GALNT13: variants seen among roughly 807,000 people sequenced by gnomAD.
GALNT13 encodes polypeptide N-acetylgalactosaminyltransferase 13.
A neutral mutation model predicts 64.2 loss-of-function variants in GALNT13; 28 were observed. The observed-to-expected ratio is 0.44, with a 90% CI of 0.32 to 0.60. The LOEUF (loss-of-function observed/expected upper bound fraction) is 0.60, where lower values mean the gene tolerates loss of function less well. Among genes scored for constraint, GALNT13 ranks in the 20% least tolerant of loss-of-function variants. The pLI, the probability that GALNT13 is intolerant of heterozygous loss-of-function variation, is 0.05. For missense variants in GALNT13, 577 were observed against 669.8 expected (o/e 0.86, Z 1.53); for synonymous variants, 214 against 224.6 (o/e 0.95, Z 0.42).
chr2:153,523,448 TAAA>T, the GALNT13 span, among the ~76,000 whole-genome samples: 2 of 152,202 alleles, frequency 1.3e-5, no homozygotes, highest in Non-Finnish European at 2.9e-5. Flanking sequence ...CTTTTGTTCA[TAAA>T]AACAAAACAT....
intron 3 of GALNT13, among the ~76,000 whole-genome samples, chr2:154,050,878 G>T (rs1456222252): frequency 6.6e-6 from 1 of 152,082 alleles, no homozygotes; most frequent in East Asian, 1.9e-4. Context: ...ATTGTTTAAA[G>T]GATTAAAAGA....
intron 3 of GALNT13, among the ~76,000 whole-genome samples, chr2:154,053,607 C>T (rs1487995774): frequency 3.3e-5 from 5 of 152,008 alleles, no homozygotes; most frequent in Non-Finnish European, 7.4e-5. Flanking sequence ...AACAATAGTG[C>T]CTTAAGCTCC....
At chr2:153,758,632 A>G in the GALNT13 span, among the ~76,000 whole-genome samples, 10 of 152,260 alleles carry the variant, frequency 6.6e-5, no homozygotes, top group East Asian at 9.6e-4. Flanking sequence ...TCACTTTGTC[A>G]CCCAGGCTGG....
chr2:153,708,007 C>T, the GALNT13 span, among the ~76,000 whole-genome samples: 5 of 152,034 alleles, frequency 3.3e-5, no homozygotes, highest in African/African-American at 2.4e-5. Flanking sequence ...TTCTTTGGAA[C>T]AATGAGGAGA....
intron 9 of GALNT13, among the ~76,000 whole-genome samples, chr2:154,333,380 T>C (rs1396376501): frequency 2.0e-5 from 3 of 152,096 alleles, no homozygotes; most frequent in East Asian, 1.9e-4. Flanking sequence ...TTATTGATTA[T>C]ACAAAGTGAT....
At chr2:153,574,036 T>A in the GALNT13 span, among the ~76,000 whole-genome samples, 1 of 152,040 alleles carries the variant, frequency 6.6e-6, no homozygotes, top group African/African-American at 2.4e-5. Flanking sequence ...CTGGTGTTGA[T>A]AAAATCTCTC....
chr2:153,580,462 A>T, the GALNT13 span, among the ~76,000 whole-genome samples: 20 of 152,292 alleles, frequency 1.3e-4, no homozygotes, highest in African/African-American at 4.8e-4. Flanking sequence ...GGACTTCAGA[A>T]TATCTACTTG....
chr2:153,842,924 A>G, the GALNT13 span, among the ~76,000 whole-genome samples: 1 of 152,192 alleles, frequency 6.6e-6, no homozygotes, highest in Non-Finnish European at 1.5e-5. Context: ...ACATTCTAGA[A>G]CTGGAGAAAA....
chr2:154,102,280 G>A lies in GALNT13; in HGVS notation c.143-38057G>A, dbSNP rs192249720. On this transcript the variant is annotated intron_variant, in intron 3 of 12. Transcript: ENST00000392825. ...CTAGTGCTCTCTTGAAAGCACCACC[G>A]CCTGGCTGGAGGTCAACCAACTCAA... Among the ~76,000 whole-genome samples, 376 of 152,100 alleles carry A rather than the reference G, an allele frequency of 2.5e-3. 4 individuals are homozygous for A. The highest frequency in any genetic ancestry group is 8.1e-3 in the African/African-American group (338 of 41,508).
chr2:153,616,185 T>C, the GALNT13 span, among the ~76,000 whole-genome samples: 1 of 152,050 alleles, frequency 6.6e-6, no homozygotes, highest in Non-Finnish European at 1.5e-5. Flanking sequence ...GCGCCATTTA[T>C]TGAAGAGACA....
At chr2:153,506,441 G>T in the GALNT13 span, among the ~76,000 whole-genome samples, 1 of 152,044 alleles carries the variant, frequency 6.6e-6, no homozygotes, top group African/African-American at 2.4e-5. Flanking sequence ...CGTCCTGTGA[G>T]ATTTACTGTT....
At chr2:153,444,914 A>C in the GALNT13 span, among the ~76,000 whole-genome samples, 3 of 152,212 alleles carry the variant, frequency 2.0e-5, no homozygotes, top group Non-Finnish European at 4.4e-5. Context: ...ACAATTTATA[A>C]TACTTGAATA....
chr2:153,230,356 A>C, the GALNT13 span, among the ~76,000 whole-genome samples: 1 of 152,246 alleles, frequency 6.6e-6, no homozygotes, highest in African/African-American at 2.4e-5. Flanking sequence ...TAGCATTTTT[A>C]ACTTTCAGTA....
At chr2:154,255,464 A>C (rs920834561) in intron 7 of GALNT13, among the ~76,000 whole-genome samples, 1 of 152,152 alleles carries the variant, frequency 6.6e-6, no homozygotes, top group East Asian at 1.9e-4. Context: ...TTGTAAGCTC[A>C]AGGGAACAAT....
chr2:153,870,857 CTG>C (rs908143234), upstream of GALNT13, among the ~76,000 whole-genome samples: 1 of 151,808 alleles, frequency 6.6e-6, no homozygotes, highest in African/African-American at 2.4e-5. Context: ...TGAAGTGACA[CTG>C]TGAGAAGCAA....
the GALNT13 span, among the ~76,000 whole-genome samples, chr2:153,344,845 C>T: frequency 6.6e-6 from 1 of 152,134 alleles, no homozygotes; most frequent in African/African-American, 2.4e-5. Context: ...TGTATCAAAG[C>T]ATCAAGTTAT....
At chr2:153,243,436 G>A in the GALNT13 span, among the ~76,000 whole-genome samples, 1 of 152,196 alleles carries the variant, frequency 6.6e-6, no homozygotes, top group Admixed American at 6.5e-5. Context: ...ACTTCTGTCT[G>A]ATATTCTAGG....
At chr2:153,429,872 A>G in the GALNT13 span, among the ~76,000 whole-genome samples, 1 of 152,156 alleles carries the variant, frequency 6.6e-6, no homozygotes, top group Admixed American at 6.6e-5. Context: ...TTTAAATATA[A>G]AAAGGGCAGT....
the GALNT13 span, among the ~76,000 whole-genome samples, chr2:153,749,044 T>G: frequency 1.3e-3 from 199 of 152,062 alleles, no homozygotes; most frequent in Non-Finnish European, 2.3e-3. Context: ...TTCTTCTACA[T>G]ATGAATATCC....
Sources: allele counts gnomAD v4.1 joint callset (sites outside exome capture counted in the v4.1 genomes callset), GRCh38; gene constraint gnomAD v4.1.1; transcripts MANE v1.5; gene names NCBI Gene and HGNC (gene_info 2026-07-23, HGNC 2026-07-21).